Variants in USH2A observed in about 807,000 individuals in gnomAD.
The protein encoded by USH2A is usherin.
In USH2A, 443 loss-of-function variants were observed where a neutral mutation model predicts 538.9. That is an observed-to-expected ratio of 0.82 (90% CI 0.76 to 0.89). USH2A has a LOEUF of 0.89. Ranked by LOEUF, USH2A falls within the 40% of genes least tolerant of loss-of-function variation. The pLI, the probability that USH2A is intolerant of heterozygous loss-of-function variation, is 0.00. For missense variants in USH2A, 6,633 were observed against 6,324.8 expected (o/e 1.05, Z -1.65); for synonymous variants, 2,413 against 2,273.5 (o/e 1.06, Z -1.75).
chr1:215,689,984 CTCTA>C (rs1163894949), intron 61 of USH2A, among the ~76,000 whole-genome samples: 1 of 152,102 alleles, frequency 6.6e-6, no homozygotes, highest in East Asian at 1.9e-4. Context: ...AATATATCTT[CTCTA>C]TCTAGTTCTG....
intron 60 of USH2A, among the ~76,000 whole-genome samples, chr1:215,738,500 A>G (rs1406109726): frequency 1.3e-5 from 2 of 152,112 alleles, no homozygotes; most frequent in East Asian, 1.9e-4. Flanking sequence ...TCTATCTTTA[A>G]TAGGGCAGAC....
At chr1:216,095,439 A>C (rs2032419188) in intron 22 of USH2A, among the ~76,000 whole-genome samples, 1 of 152,160 alleles carries the variant, frequency 6.6e-6, no homozygotes. Context: ...AATTTTTTTC[A>C]GTTGCCATCT....
At chr1:216,269,317 C>T (rs928645104) in intron 11 of USH2A, among the ~76,000 whole-genome samples, 5 of 152,018 alleles carry the variant, frequency 3.3e-5, no homozygotes, top group African/African-American at 1.2e-4. Context: ...CCTGCACAAG[C>T]TCTCTCTTTG....
intron 15 of USH2A, among the ~76,000 whole-genome samples, chr1:216,209,116 T>C (rs537586737): frequency 2.0e-5 from 3 of 152,312 alleles, no homozygotes; most frequent in African/African-American, 7.2e-5. Context: ...TTTCTAAAAA[T>C]AAGCAGTCAG....
intron 21 of USH2A, among the ~76,000 whole-genome samples, chr1:216,160,665 C>T (rs75388085): frequency 0.051 from 7,693 of 152,110 alleles, 280 homozygotes; most frequent in Middle Eastern, 0.11. Flanking sequence ...GGAAAATGTC[C>T]TATGTGTTCC....
At chr1:216,285,981 G>A (rs758766479) in intron 11 of USH2A, among the ~76,000 whole-genome samples, 3 of 152,104 alleles carry the variant, frequency 2.0e-5, no homozygotes, top group Non-Finnish European at 2.9e-5. Context: ...TGCTTTTACA[G>A]GCTTGTAGGC....
At chr1:215,861,537 T>C (rs1488801583) in intron 44 of USH2A, among the ~76,000 whole-genome samples, 2 of 152,202 alleles carry the variant, frequency 1.3e-5, no homozygotes, top group African/African-American at 2.4e-5. Flanking sequence ...ATTTTGGATC[T>C]CTTTGGGTGT....
At chr1:215,857,915 T>C (rs1424162233) in intron 44 of USH2A, among the ~76,000 whole-genome samples, 1 of 152,168 alleles carries the variant, frequency 6.6e-6, no homozygotes, top group South Asian at 2.1e-4. Flanking sequence ...CATCCCACTG[T>C]AGCCAAGAAC....
chr1:216,052,121 G>A (rs948528821), intron 30 of USH2A, among the ~76,000 whole-genome samples: 1 of 152,040 alleles, frequency 6.6e-6, no homozygotes, highest in Non-Finnish European at 1.5e-5. Context: ...CTTATTTTAA[G>A]GACCTTAAAA....
intron 3 of USH2A, among the ~76,000 whole-genome samples, chr1:216,375,967 C>T (rs959284718): frequency 2.0e-5 from 3 of 152,100 alleles, no homozygotes; most frequent in Non-Finnish European, 4.4e-5. Context: ...ACACACACAA[C>T]ATTTATTGGT....
At chr1:215,796,010 T>C (rs7529921) in intron 50 of USH2A, among the ~76,000 whole-genome samples, 68,084 of 151,900 alleles carry the variant, frequency 0.45, 15,403 homozygotes, top group African/African-American at 0.49. Flanking sequence ...AAAATAAATG[T>C]TTTTCAAATA....
chr1:216,157,479 A>G (rs2033971098), intron 21 of USH2A, among the ~76,000 whole-genome samples: 1 of 152,156 alleles, frequency 6.6e-6, no homozygotes, highest in African/African-American at 2.4e-5. Context: ...ATACCCAAAG[A>G]AAAATAAATC....
intron 38 of USH2A, among the ~76,000 whole-genome samples, chr1:215,925,114 C>T (rs1666205033): frequency 6.6e-6 from 1 of 151,984 alleles, no homozygotes; most frequent in Admixed American, 6.6e-5. Context: ...TGTAATATTA[C>T]AAACATATAC....
chr1:215,726,413 A>C (rs1329829059), intron 61 of USH2A, among the ~76,000 whole-genome samples: 1 of 152,226 alleles, frequency 6.6e-6, no homozygotes, highest in Admixed American at 6.5e-5. Flanking sequence ...TTTCATTTAC[A>C]TATTGCTTAT....
chr1:215,769,559 A>C (rs1218893369), intron 55 of USH2A, among the ~76,000 whole-genome samples: 1 of 152,222 alleles, frequency 6.6e-6, no homozygotes, highest in Non-Finnish European at 1.5e-5. Flanking sequence ...ACAGCAGTAG[A>C]GCATCCAGCA....
At chr1:216,064,048 A>G (rs2102540320) in intron 30 of USH2A, among the ~76,000 whole-genome samples, 1 of 152,328 alleles carries the variant, frequency 6.6e-6, no homozygotes, top group South Asian at 2.1e-4. Context: ...CCAAGTGAAC[A>G]TTGTAAGGAG....
chr1:215,776,390 T>C (rs963085544), intron 55 of USH2A, among the ~76,000 whole-genome samples: 2 of 152,180 alleles, frequency 1.3e-5, no homozygotes, highest in Non-Finnish European at 2.9e-5. Context: ...TTTTTTAACA[T>C]CTTGAGAGGA....
At chr1:216,003,868 A>G (rs554036852) in intron 32 of USH2A, among the ~76,000 whole-genome samples, 1 of 152,320 alleles carries the variant, frequency 6.6e-6, no homozygotes, top group South Asian at 2.1e-4. Context: ...AGTGAGCAAG[A>G]GCATAAGAAT....
intron 11 of USH2A, among the ~76,000 whole-genome samples, chr1:216,273,254 T>G (rs1259530600): frequency 6.6e-6 from 1 of 151,916 alleles, no homozygotes; most frequent in African/African-American, 2.4e-5. Context: ...ATAGAAGAGG[T>G]TCTGCTGATC....
Sources: gnomAD v4.1 joint callset for allele counts (sites outside exome capture counted in the v4.1 genomes callset) on GRCh38, gnomAD v4.1.1 for gene constraint, MANE v1.5 for transcripts, NCBI Gene and HGNC (gene_info 2026-07-23, HGNC 2026-07-21) for gene names.